The following GOLGA7 variants were observed in gnomAD, a reference collection of about 807,000 sequenced individuals.
GOLGA7 encodes the protein golgin A7.
Under a neutral mutation model 21.1 loss-of-function variants are expected in GOLGA7, and 10 were observed. The observed-to-expected ratio is 0.47, with a 90% CI of 0.29 to 0.80. GOLGA7 has a LOEUF of 0.80. Ranked by LOEUF, GOLGA7 falls within the 30% of genes least tolerant of loss-of-function variation. GOLGA7 has a pLI of 0.08. For missense variants in GOLGA7, 114 were observed against 166.8 expected (o/e 0.68, Z 1.74); for synonymous variants, 64 against 62.6 (o/e 1.02, Z -0.10).
chr8:41,505,210 C>T (rs1806255890), intron 2 of GOLGA7, among the ~76,000 whole-genome samples: 1 of 152,136 alleles, frequency 6.6e-6, no homozygotes. Context: ...TCTACATTTG[C>T]TTTGACTTTT....
intron 4 of GOLGA7, among the ~76,000 whole-genome samples, chr8:41,508,278 A>G (rs1193291307): frequency 6.6e-6 from 1 of 152,200 alleles, no homozygotes; most frequent in African/African-American, 2.4e-5. Context: ...AAAAGAATAC[A>G]TTTTGTCTGC....
intron 1 of GOLGA7, among the ~76,000 whole-genome samples, chr8:41,493,860 G>A (rs1805943857): frequency 6.6e-6 from 1 of 152,176 alleles, no homozygotes; most frequent in Admixed American, 6.5e-5. Context: ...TCCTGTATCA[G>A]TGTCCAGGAA....
chr8:41,505,281 A>C (rs765055591), intron 2 of GOLGA7, among the ~76,000 whole-genome samples: 1 of 152,244 alleles, frequency 6.6e-6, no homozygotes, highest in African/African-American at 2.4e-5. Context: ...CAAACTGCAG[A>C]ATAGCACTAC....
Position 41,492,159 on chromosome 8 carries a change from T to C in GOLGA7, c.111+1194T>C, listed in dbSNP as rs532428067. ...ATGGATCAAATATGCCTTTAAAAGA[T>C]GGTGAGGTGACTTGTTTCTGAAATG... On this transcript the variant is annotated intron_variant, in intron 1 of 4. Transcript: ENST00000357743. Among the ~76,000 whole-genome samples the C allele has an allele frequency of 1.1e-4, 16 of 152,312 alleles. No homozygotes were observed. The East Asian group carries it at 3.1e-3, about 29-fold the overall frequency.
intron 2 of GOLGA7, among the ~76,000 whole-genome samples, chr8:41,498,767 G>T (rs1440082747): frequency 6.6e-6 from 1 of 152,192 alleles, no homozygotes; most frequent in Non-Finnish European, 1.5e-5. Flanking sequence ...TGAGGACAAT[G>T]CCTTAACCAT....
rs536325952 is a variant in GOLGA7, at chr8:41,508,405, A to G, written c.*16-1179A>G. 3.3e-5 allele frequency among the ~76,000 whole-genome samples: 5 copies of G among 152,288 alleles called. 1 individual carries two copies. Among genetic ancestry groups the G allele is most frequent in the African/African-American group, 1.2e-4 (5 of 41,564 alleles). ...GCCAAAGATCTAAATCATGATATCTATCCTCTGCCATATGTTGTATTTCCT... is the reference window on the plus strand; with the variant it reads ...GCCAAAGATCTAAATCATGATATCTGTCCTCTGCCATATGTTGTATTTCCT... On this transcript the variant is annotated intron_variant, in intron 4 of 4. Transcript: ENST00000357743.
intron 2 of GOLGA7, among the ~76,000 whole-genome samples, chr8:41,498,306 T>C (rs1806069684): frequency 6.6e-6 from 1 of 152,242 alleles, no homozygotes; most frequent in Admixed American, 6.5e-5. Context: ...CTTTTGCTTT[T>C]CTAAACTATC....
intron 4 of GOLGA7, among the ~76,000 whole-genome samples, chr8:41,509,047 A>G (rs950629681): frequency 5.9e-5 from 9 of 152,236 alleles, no homozygotes; most frequent in Non-Finnish European, 1.0e-4. Context: ...TCTTGCATAT[A>G]TCTTTATTAT....
Position 41,510,942 on chromosome 8 carries a change from C to G in GOLGA7, c.*1374C>G, listed in dbSNP as rs543484081. On this transcript the variant is annotated 3_prime_UTR_variant, in exon 5 of 5. Transcript: ENST00000357743. Reference sequence around the variant, plus strand: ...TTTTCAACCTGTTGCAATAACTTTGCTGAAATATTAACACATTAATAAAAC... The same window carrying G: ...TTTTCAACCTGTTGCAATAACTTTGGTGAAATATTAACACATTAATAAAAC... The G allele has an allele frequency of 3.1e-5, 5 of 163,018 alleles. No homozygotes were observed. Among genetic ancestry groups the G allele is most frequent in the Admixed American group, 6.4e-5 (1 of 15,716 alleles). The allele number at this position is 163,018 out of a possible 1,614,324, so 10.1% of individuals were successfully genotyped here.
chr8:41,495,202 CAAAAAAAAAAAAA>C (rs1200554916), intron 1 of GOLGA7, among the ~76,000 whole-genome samples: 1 of 39,622 alleles, frequency 2.5e-5, no homozygotes, highest in African/African-American at 9.0e-5. Flanking sequence ...GACTCTGTCT[CAAAAAAAAAAAAA>C]AAAAAAAAAA....
Position 41,504,426 on chromosome 8 carries a change from A to G in GOLGA7, c.265-1485A>G, listed in dbSNP as rs188745477. Among the ~76,000 whole-genome samples, 14 of 152,256 alleles carry G rather than the reference A, an allele frequency of 9.2e-5. No individual in the cohort carries two copies. In the East Asian group the frequency reaches 2.7e-3, roughly 29 times the overall value. ...CCTTAGTTGGGCACCTTTATGGGCT[A>G]CTTCCTTCTATTCATTATTTTAGGA... On this transcript the variant is annotated intron_variant, in intron 2 of 4. Transcript: ENST00000357743.
At chr8:41,502,652 C>T (rs1213954189) in intron 2 of GOLGA7, 1 of 152,116 alleles carries the variant, frequency 6.6e-6, no homozygotes, top group East Asian at 1.9e-4. Context: ...CAGGAGAGAA[C>T]TTGGGTATGT....
intron 1 of GOLGA7, among the ~76,000 whole-genome samples, chr8:41,496,110 T>G (rs189644308): frequency 3.3e-4 from 51 of 152,304 alleles, no homozygotes; most frequent in Non-Finnish European, 5.3e-4. Context: ...ACCTTATACA[T>G]ATAACCTGAA....
chr8:41,504,716 T>C (rs745787966), intron 2 of GOLGA7, among the ~76,000 whole-genome samples: 2 of 152,230 alleles, frequency 1.3e-5, no homozygotes, highest in Non-Finnish European at 2.9e-5. Context: ...CCAAAAAATA[T>C]TTGAATAAAG....
In GOLGA7 at chr8:41,507,067, T is replaced by C; in HGVS notation, c.375T>C (p.Ile125=). The change falls in exon 4 of 5, where the codon ATT becomes ATC. Residue 125 remains isoleucine, a synonymous_variant. Transcript: ENST00000357743. Reference sequence around the variant, plus strand: ...ACAGCCATGCTGTTTAGATTGAAATTACCATTTATGAAGACAGAGGCATGA... The same window carrying C: ...ACAGCCATGCTGTTTAGATTGAAATCACCATTTATGAAGACAGAGGCATGA... The part of the protein sequence containing the change: ...PIERGLRVIE[I]TIYEDRGMSS... 1 of 1,362,346 alleles carries C rather than the reference T, an allele frequency of 7.3e-7. No homozygotes were observed. Among genetic ancestry groups the C allele is most frequent in the Non-Finnish European group, 1.1e-6 (1 of 950,218 alleles). The allele number at this position is 1,362,346 out of a possible 1,614,324, so 84.4% of individuals were successfully genotyped here.
chr8:41,504,132 A>AC (rs1384500895), intron 2 of GOLGA7, among the ~76,000 whole-genome samples: 1,635 of 131,102 alleles, frequency 0.012, 29 homozygotes, highest in Admixed American at 0.03. Flanking sequence ...AAAAAAAAAA[A>AC]AAAACAAAAC....
chr8:41,499,150 G>C (rs1410887098), intron 2 of GOLGA7, among the ~76,000 whole-genome samples: 3 of 152,168 alleles, frequency 2.0e-5, no homozygotes, highest in Admixed American at 2.0e-4. Flanking sequence ...CAGGGCGTGT[G>C]ATGGGGTGTG....
intron 2 of GOLGA7, among the ~76,000 whole-genome samples, chr8:41,499,107 G>T (rs1806088248): frequency 6.6e-6 from 1 of 152,160 alleles, no homozygotes; most frequent in African/African-American, 2.4e-5. Context: ...CCTTCCCCAT[G>T]TTGAAACAGG....
intron 2 of GOLGA7, 145 bp from the exon 3 acceptor site, chr8:41,505,766 A>G (rs768026562): frequency 4.8e-5 from 25 of 516,480 alleles, no homozygotes; most frequent in Middle Eastern, 4.8e-4. Flanking sequence ...ATGTGAGCCA[A>G]GTAATCACAG....
Sources: allele counts gnomAD v4.1 joint callset (sites outside exome capture counted in the v4.1 genomes callset), GRCh38; gene constraint gnomAD v4.1.1; transcripts MANE v1.5; gene names NCBI Gene and HGNC (gene_info 2026-07-23, HGNC 2026-07-21).